The following FAXC variants were observed in gnomAD, a reference collection of about 807,000 sequenced individuals.
FAXC encodes failed axon connections homolog, metaxin like GST domain containing.
In FAXC, 10 loss-of-function variants were observed where a neutral mutation model predicts 41.9. The observed-to-expected ratio is 0.24, with a 90% confidence interval of 0.15 to 0.41. FAXC has a LOEUF of 0.41. Ranked by LOEUF, FAXC falls within the 10% of genes least tolerant of loss-of-function variation. The pLI, the probability that FAXC is intolerant of heterozygous loss-of-function variation, is 1.00. For missense variants in FAXC, 399 were observed against 510.9 expected, an observed-to-expected ratio of 0.78 and a Z score of 2.11; for synonymous variants, 183 against 183.8, an observed-to-expected ratio of 1.00 and a Z score of 0.03.
intron 5 of FAXC, among the ~76,000 whole-genome samples, chr6:99,288,859 T>TACACACATACACAC (rs1554197992): frequency 4.1e-5 from 6 of 145,852 alleles, no homozygotes; most frequent in African/African-American, 1.5e-4. Context: ...CACACACACA[T>TACACACATACACAC]ACACACACAC....
At chr6:99,307,362 T>C (rs186615123) in intron 4 of FAXC, among the ~76,000 whole-genome samples, 1 of 152,190 alleles carries the variant, frequency 6.6e-6, no homozygotes, top group Admixed American at 6.5e-5. Flanking sequence ...GGAAAGATAA[T>C]TTGTACTCAA....
intron 3 of FAXC, among the ~76,000 whole-genome samples, chr6:99,324,316 C>T (rs895170593): frequency 3.3e-5 from 5 of 152,242 alleles, no homozygotes; most frequent in South Asian, 2.1e-4. Context: ...GATTCCCCCA[C>T]GTCAGCCTCC....
Position 99,349,512 on chromosome 6 carries a change from ACTGAGGAGGCGGCGGCAGAG to A in FAXC, c.-160_-141del. The A allele has an allele frequency of 2.0e-6, 1 of 501,010 alleles. No homozygotes were observed. The highest frequency in any genetic ancestry group is 2.6e-6 in the Non-Finnish European group (1 of 391,254). The allele number at this position is 501,010 out of a possible 1,614,324, so 31.0% of individuals were successfully genotyped here. On this transcript the variant is annotated 5_prime_UTR_variant, in exon 1 of 6. Coordinates refer to ENST00000389677, the MANE Select transcript of FAXC (RefSeq NM_032511.4). ...GGCGGCGACTGAGGAGGCGGCGGCG[ACTGAGGAGGCGGCGGCAGAG>A]GAGGAGGAGGAGGAAGGGCACTGGC...
At chr6:99,288,521 T>C (rs767669578) in intron 5 of FAXC, among the ~76,000 whole-genome samples, 4 of 152,152 alleles carry the variant, frequency 2.6e-5, no homozygotes, top group Non-Finnish European at 5.9e-5. Context: ...TAGACGACTA[T>C]GGAAAATGTG....
intron 2 of FAXC, among the ~76,000 whole-genome samples, chr6:99,341,820 T>C (rs1226684071): frequency 2.0e-5 from 3 of 152,138 alleles, no homozygotes; most frequent in South Asian, 2.1e-4. Context: ...AAAAAGTAAC[T>C]ACAAACCAGG....
At chr6:99,338,228 T>C (rs1252223494) in intron 2 of FAXC, among the ~76,000 whole-genome samples, 2 of 152,134 alleles carry the variant, frequency 1.3e-5, no homozygotes, top group Admixed American at 1.3e-4. Context: ...CCTATACAAT[T>C]CTTTTTTTAA....
At chr6:99,337,763 T>C (rs1178257145) in intron 2 of FAXC, among the ~76,000 whole-genome samples, 2 of 152,142 alleles carry the variant, frequency 1.3e-5, no homozygotes, top group Non-Finnish European at 2.9e-5. Flanking sequence ...TAGAGAAAAA[T>C]AATAATAACT....
In FAXC at chr6:99,274,093, A is replaced by C. The variant is rs1770514337; in HGVS notation, c.*7071T>G. ...TTATAAAATGAAAAATATATGCCAC[A>C]AACACTCTTGAGAGACTAGAAGGAA... On this transcript the variant is annotated 3_prime_UTR_variant, in exon 6 of 6. Coordinates refer to ENST00000389677, the MANE Select transcript of FAXC (RefSeq NM_032511.4). 1 of 152,194 alleles carries C rather than the reference A, an allele frequency of 6.6e-6. No individual in the cohort carries two copies. The allele number at this position is 152,194 out of a possible 1,614,324, so 9.4% of individuals were successfully genotyped here. A position where few individuals can be genotyped will look rare whatever the true frequency, so the allele number is the denominator to read the frequency against.
rs1331440549 is a variant in FAXC at position 99,278,236 on chromosome 6, T to A, written c.*2928A>T. The A allele has an allele frequency of 6.6e-6, 1 of 152,224 alleles. No individual in the cohort carries two copies. The highest frequency in any genetic ancestry group is 1.5e-5 in the Non-Finnish European group (1 of 68,040). The allele number at this position is 152,224 out of a possible 1,614,324, so 9.4% of individuals were successfully genotyped here. ...TGCATAAATATAGATTGTCCTTATA[T>A]CTGTTCTGATGGAGAGTAAAGCTCA... On this transcript the variant is annotated 3_prime_UTR_variant, in exon 6 of 6. Coordinates refer to ENST00000389677, the MANE Select transcript of FAXC (RefSeq NM_032511.4).
intron 2 of FAXC, among the ~76,000 whole-genome samples, chr6:99,335,403 T>C (rs551304347): frequency 6.0e-4 from 91 of 152,368 alleles, no homozygotes; most frequent in African/African-American, 2.1e-3. Context: ...TACGTAACTG[T>C]TGGACATGCT....
rs1281786779 is a variant in FAXC at position 99,280,060 on chromosome 6, T to A, written c.*1104A>T. The A allele has an allele frequency of 1.3e-5, 2 of 152,226 alleles. No individual in the cohort carries two copies. Among genetic ancestry groups the A allele is most frequent in the African/African-American group, 4.8e-5 (2 of 41,454 alleles). 9.4% of individuals were successfully genotyped at this position (152,226 alleles called of 1,614,324 possible). ...TGAAACCTGCCATATACCTGAGATT[T>A]ATTCTTCTCAAATAAATCAAACATA... On this transcript the variant is annotated 3_prime_UTR_variant, in exon 6 of 6. Transcript: ENST00000389677.
intron 4 of FAXC, among the ~76,000 whole-genome samples, chr6:99,295,367 C>G (rs1191003464): frequency 1.3e-5 from 2 of 152,134 alleles, no homozygotes; most frequent in Non-Finnish European, 2.9e-5. Context: ...AAAAATAGCA[C>G]AGTGTGTCTG....
chr6:99,337,512 C>T (rs1029735272), intron 2 of FAXC, among the ~76,000 whole-genome samples: 4 of 152,156 alleles, frequency 2.6e-5, no homozygotes, highest in Non-Finnish European at 5.9e-5. Flanking sequence ...ATCTCCAGCT[C>T]GTAGGATATC....
chr6:99,315,232 T>TAAA (rs1174982279), intron 4 of FAXC, among the ~76,000 whole-genome samples: 707 of 40,464 alleles, frequency 0.017, 78 homozygotes, highest in East Asian at 0.13. Flanking sequence ...CACTCCATCT[T>TAAA]AAAAAAAAAA....
intron 4 of FAXC, among the ~76,000 whole-genome samples, chr6:99,293,889 G>C (rs965264859): frequency 1.3e-5 from 2 of 152,178 alleles, no homozygotes; most frequent in African/African-American, 4.8e-5. Context: ...CCGTTCTTGA[G>C]TGACAAGCTG....
chr6:99,309,790 T>C, intron 4 of FAXC: 1 of 419,982 alleles, frequency 2.4e-6, no homozygotes, highest in Non-Finnish European at 3.2e-6. Context: ...CTTCAATGGA[T>C]GAGCACAGGA....
At chr6:99,346,055 G>A (rs1317404631) in intron 1 of FAXC, among the ~76,000 whole-genome samples, 4 of 152,204 alleles carry the variant, frequency 2.6e-5, no homozygotes, top group Non-Finnish European at 5.9e-5. Context: ...GAAAATCCAA[G>A]TAGGCTGGGG....
chr6:99,340,567 T>G (rs1364830044), intron 2 of FAXC, among the ~76,000 whole-genome samples: 3 of 152,030 alleles, frequency 2.0e-5, no homozygotes, highest in Non-Finnish European at 4.4e-5. Context: ...GATAAATCCT[T>G]TATAATAAGA....
At chr6:99,314,301 T>C (rs1772252497) in intron 4 of FAXC, among the ~76,000 whole-genome samples, 1 of 152,128 alleles carries the variant, frequency 6.6e-6, no homozygotes. Flanking sequence ...ATAGTTCTCA[T>C]TCATAACTTT....
Sources: gnomAD v4.1 joint callset for allele counts (sites outside exome capture counted in the v4.1 genomes callset) on GRCh38, gnomAD v4.1.1 for gene constraint, MANE v1.5 for transcripts, NCBI Gene and HGNC (gene_info 2026-07-23, HGNC 2026-07-21) for gene names.